The following EEF1E1 variants were observed in gnomAD, a reference collection of about 807,000 sequenced individuals.
The protein encoded by EEF1E1 is eukaryotic translation elongation factor 1 epsilon-1.
Under a neutral mutation model 19.9 loss-of-function variants are expected in EEF1E1, and 19 were observed. That is an observed-to-expected ratio of 0.95 (90% CI 0.66 to 1.40). The LOEUF (loss-of-function observed/expected upper bound fraction) is 1.40, where lower values mean the gene tolerates loss of function less well. Ranked by LOEUF, EEF1E1 falls within the 40% of genes most tolerant of loss-of-function variation. The pLI is 0.00. For missense variants in EEF1E1, 198 were observed against 202.2 expected (o/e 0.98, Z 0.13); for synonymous variants, 81 against 80.0 (o/e 1.01, Z -0.07).
At chr6:8,076,926 AT>A (rs750029678), downstream of EEF1E1, among the ~76,000 whole-genome samples, 6 of 142,584 alleles carry the variant, frequency 4.2e-5, no homozygotes, top group African/African-American at 1.3e-4. Flanking sequence ...ATGTAGCATG[AT>A]TTTTTTTGTT....
At chr6:8,099,537 G>A (rs1282468940) in intron 1 of EEF1E1, among the ~76,000 whole-genome samples, 1 of 152,002 alleles carries the variant, frequency 6.6e-6, no homozygotes, top group Non-Finnish European at 1.5e-5. Context: ...ACCTGAGGTC[G>A]GGAGTATGAG....
chr6:8,085,310 G>A (rs1240890059), intron 3 of EEF1E1, among the ~76,000 whole-genome samples: 1 of 146,968 alleles, frequency 6.8e-6, no homozygotes, highest in African/African-American at 2.5e-5. Context: ...TACCACGCCT[G>A]GTTAATGGTT....
downstream of EEF1E1, among the ~76,000 whole-genome samples, chr6:8,079,092 C>T (rs192474918): frequency 9.2e-5 from 14 of 152,278 alleles, no homozygotes; most frequent in Non-Finnish European, 1.9e-4. Flanking sequence ...CTCTGTTCTT[C>T]ACACAGCACT....
At chr6:8,090,984 G>A (rs1482017951) in intron 2 of EEF1E1, among the ~76,000 whole-genome samples, 1 of 152,176 alleles carries the variant, frequency 6.6e-6, no homozygotes, top group East Asian at 1.9e-4. Flanking sequence ...ATGCTGCTGT[G>A]AACAGGAGCG....
chr6:8,079,248 C>T, downstream of EEF1E1: 1 of 258,990 alleles, frequency 3.9e-6, no homozygotes, highest in Non-Finnish European at 6.0e-6. Flanking sequence ...CTCTTTTTGG[C>T]CACTGCATAT....
At chr6:8,101,873 T>A in intron 1 of EEF1E1, 1 of 1,269,264 alleles carries the variant, frequency 7.9e-7, no homozygotes, top group Non-Finnish European at 1.0e-6. Flanking sequence ...ACTCCTTAGG[T>A]GTTCTCTCTG....
intron 2 of EEF1E1, among the ~76,000 whole-genome samples, chr6:8,094,569 T>TA (rs199734021): frequency 0.011 from 1,474 of 139,492 alleles, 19 homozygotes; most frequent in African/African-American, 0.032. Context: ...AGACTCTATT[T>TA]AAAAAAAAAA....
chr6:8,074,634 T>C (rs923011206), downstream of EEF1E1, among the ~76,000 whole-genome samples: 2 of 152,216 alleles, frequency 1.3e-5, no homozygotes, highest in South Asian at 2.1e-4. Flanking sequence ...GGAAAGGGCA[T>C]TTCAGGCAAG....
intron 3 of EEF1E1, among the ~76,000 whole-genome samples, chr6:8,074,367 G>A (rs1188072184): frequency 6.6e-6 from 1 of 152,036 alleles, no homozygotes; most frequent in Non-Finnish European, 1.5e-5. Context: ...GGAATGTACT[G>A]AGCTCAGTCA....
intron 3 of EEF1E1, among the ~76,000 whole-genome samples, chr6:8,089,548 G>A (rs1757959794): frequency 6.6e-6 from 1 of 152,142 alleles, no homozygotes. Context: ...ATCTTTTCAT[G>A]TTTTTCTGCC....
chr6:8,092,469 T>C lies in EEF1E1; in HGVS notation c.289-2188A>G, dbSNP rs543593185. 1.8e-3 allele frequency among the ~76,000 whole-genome samples: 271 copies of C among 152,310 alleles called. 3 individuals carry two copies. Among genetic ancestry groups the C allele is most frequent in the African/African-American group, 6.3e-3 (260 of 41,572 alleles). On this transcript the variant is annotated intron_variant, in intron 2 of 3. Coordinates refer to ENST00000379715, the MANE Select transcript of EEF1E1 (RefSeq NM_004280.5). ...AACACATTTTCTCTGACGATTTTCA[T>C]TTAAAGACAGTCAGTCATTTTCAAA...
At chr6:8,102,097 A>AAG in intron 1 of EEF1E1, 2 of 1,242,516 alleles carry the variant, frequency 1.6e-6, no homozygotes, top group Non-Finnish European at 2.0e-6. Flanking sequence ...GGAAAAAAAA[A>AAG]AAAGCCAGTT....
At chr6:8,078,154 G>A (rs945390829), downstream of EEF1E1, among the ~76,000 whole-genome samples, 1 of 152,214 alleles carries the variant, frequency 6.6e-6, no homozygotes, top group African/African-American at 2.4e-5. Flanking sequence ...CTTTCAGCCT[G>A]TTTTGGTTTT....
At chr6:8,098,491 G>A (rs1476509403) in intron 1 of EEF1E1, among the ~76,000 whole-genome samples, 6 of 152,040 alleles carry the variant, frequency 3.9e-5, no homozygotes, top group Admixed American at 3.9e-4. Context: ...AACACGACTT[G>A]GTGAAGTATA....
Position 8,097,345 on chromosome 6 carries a change from G to A in EEF1E1, c.210C>T (p.Ile70=), listed in dbSNP as rs543759165. The A allele has an allele frequency of 3.1e-6, 5 of 1,614,150 alleles. No homozygotes were observed. In the South Asian group the frequency reaches 3.3e-5, roughly 11 times the overall value. ...LLGSTAEEKA[I]VQQWLEYRVT... is the part of the protein sequence containing the mutation. Reference sequence around the variant, plus strand: ...CCCTGTATTCTAACCACTGCTGAACGATTGCTTTTTCTTCTGCAGTACTCC... The same window carrying A: ...CCCTGTATTCTAACCACTGCTGAACAATTGCTTTTTCTTCTGCAGTACTCC... The change falls in exon 2 of 4, where the codon ATC becomes ATT. Residue 70 remains isoleucine (I), a synonymous_variant. Coordinates refer to ENST00000379715, the MANE Select transcript of EEF1E1 (RefSeq NM_004280.5).
rs1426675366 is a variant in EEF1E1 at position 8,079,481 on chromosome 6, A to C, written c.*409T>G. The C allele has an allele frequency of 1.0e-6, 1 of 989,714 alleles. No homozygotes were observed. The highest frequency in any genetic ancestry group is 1.7e-5 in the African/African-American group (1 of 57,302). The allele number at this position is 989,714 out of a possible 1,614,324, so 61.3% of individuals were successfully genotyped here. On this transcript the variant is annotated 3_prime_UTR_variant, in exon 4 of 4. Coordinates refer to ENST00000379715, the MANE Select transcript of EEF1E1 (RefSeq NM_004280.5). Reference sequence around the variant, plus strand: ...CCTTTTGGCTTCCTTGGCACAATTTATCAGTTCTTAACAAACTACCATAAA... The same window carrying C: ...CCTTTTGGCTTCCTTGGCACAATTTCTCAGTTCTTAACAAACTACCATAAA...
intron 3 of EEF1E1, among the ~76,000 whole-genome samples, chr6:8,085,994 G>A (rs1757843801): frequency 6.6e-6 from 1 of 152,042 alleles, no homozygotes; most frequent in African/African-American, 2.4e-5. Flanking sequence ...ATGGCATAGT[G>A]GGCATACACA....
intron 1 of EEF1E1, among the ~76,000 whole-genome samples, chr6:8,099,791 C>CACACAAAAAA (rs768224090): frequency 1.2e-3 from 135 of 114,632 alleles, no homozygotes; most frequent in Non-Finnish European, 1.3e-3. Context: ...CACACACACA[C>CACACAAAAAA]AAAAAAAAAA....
chr6:8,095,435 G>A (rs924258471), intron 2 of EEF1E1: 27 of 354,646 alleles, frequency 7.6e-5, no homozygotes, highest in Non-Finnish European at 1.2e-4. Flanking sequence ...CCCAGGAGGC[G>A]GAGGTTGCAG....
Sources: allele counts gnomAD v4.1 joint callset (sites outside exome capture counted in the v4.1 genomes callset), GRCh38; gene constraint gnomAD v4.1.1; transcripts MANE v1.5; gene names NCBI Gene and HGNC (gene_info 2026-07-23, HGNC 2026-07-21).